KCNH7: variants seen among roughly 807,000 people sequenced by gnomAD.
KCNH7 encodes voltage-gated inwardly rectifying potassium channel KCNH7.
Under a neutral mutation model 120.8 loss-of-function variants are expected in KCNH7, and 49 were observed. That is an observed-to-expected ratio of 0.41 (90% CI 0.32 to 0.51). The LOEUF (loss-of-function observed/expected upper bound fraction) is 0.51, where lower values mean the gene tolerates loss of function less well. Among genes scored for constraint, KCNH7 ranks in the 20% least tolerant of loss-of-function variants. The pLI is 0.38. For synonymous variants in KCNH7, 547 were observed against 516.1 expected (o/e 1.06, Z -0.81); for missense variants, 1,097 against 1,446.6 (o/e 0.76, Z 3.92).
At chr2:162,562,463 T>C (rs1693106234) in intron 2 of KCNH7, among the ~76,000 whole-genome samples, 1 of 152,160 alleles carries the variant, frequency 6.6e-6, no homozygotes. Context: ...TGTGTCCTGT[T>C]CTGAACTAGT....
At chr2:162,609,521 C>T (rs1371983055) in intron 2 of KCNH7, among the ~76,000 whole-genome samples, 1 of 152,014 alleles carries the variant, frequency 6.6e-6, no homozygotes, top group East Asian at 1.9e-4. Context: ...TCCAGGAGGG[C>T]CCTCAGAGAT....
chr2:162,384,098 C>A (rs552987923), intron 13 of KCNH7, among the ~76,000 whole-genome samples: 148 of 151,950 alleles, frequency 9.7e-4, no homozygotes, highest in Non-Finnish European at 1.6e-3. Flanking sequence ...TCTGCATCTA[C>A]TAATCAAGCA....
At position 162,470,246 on chromosome 2, in the gene KCNH7, C is replaced by T. The variant is rs550839646; in HGVS notation, c.1129-23803G>A. On this transcript the variant is annotated intron_variant, in intron 6 of 15. Transcript: ENST00000332142. ...GGAGCCTCTCTGCCCGGCCGCCATC[C>T]CATCTAGGAAGTGAGGAGCGTCTCT... Among the ~76,000 whole-genome samples, 464 of 151,970 alleles carry T rather than the reference C, an allele frequency of 3.1e-3. 3 individuals are homozygous for T. The highest frequency in any genetic ancestry group is 0.011 in the African/African-American group (452 of 41,440).
chr2:162,621,250 A>ATTTTTT (rs1559048811), intron 2 of KCNH7, among the ~76,000 whole-genome samples: 21 of 34,302 alleles, frequency 6.1e-4, no homozygotes, highest in Admixed American at 1.5e-3. Flanking sequence ...GGGTATCATC[A>ATTTTTT]TCTTTTTTTT....
At chr2:162,554,706 T>C (rs959085702) in intron 2 of KCNH7, among the ~76,000 whole-genome samples, 1 of 152,172 alleles carries the variant, frequency 6.6e-6, no homozygotes, top group Admixed American at 6.5e-5. Context: ...ATATCCTTCA[T>C]TGACTGTGCC....
intron 6 of KCNH7, among the ~76,000 whole-genome samples, chr2:162,489,374 T>TAA (rs372004892): frequency 6.7e-6 from 1 of 149,128 alleles, no homozygotes; most frequent in South Asian, 2.1e-4. Context: ...GCCGATGAGC[T>TAA]AAAAAAAAAA....
chr2:162,485,935 T>C (rs1690082122), intron 6 of KCNH7, among the ~76,000 whole-genome samples: 1 of 152,200 alleles, frequency 6.6e-6, no homozygotes, highest in Non-Finnish European at 1.5e-5. Context: ...TCAATCTCAC[T>C]GAACTTTATT....
chr2:162,740,149 C>G (rs16847229), intron 2 of KCNH7, among the ~76,000 whole-genome samples: 3,342 of 152,178 alleles, frequency 0.022, 126 homozygotes, highest in African/African-American at 0.074. Flanking sequence ...TCAGGTAAAA[C>G]CATCCTTTTG....
chr2:162,443,826 C>G (rs1359468078), intron 7 of KCNH7, among the ~76,000 whole-genome samples: 1 of 152,214 alleles, frequency 6.6e-6, no homozygotes, highest in Non-Finnish European at 1.5e-5. Flanking sequence ...TGGTCTCTGT[C>G]TCTGCCTTCT....
chr2:162,401,793 A>G (rs956593785), intron 9 of KCNH7, among the ~76,000 whole-genome samples: 1 of 151,864 alleles, frequency 6.6e-6, no homozygotes, highest in Non-Finnish European at 1.5e-5. Context: ...ATAAAAATTG[A>G]TAGAACTGAA....
At chr2:162,385,891 T>C (rs1313471517) in intron 12 of KCNH7, among the ~76,000 whole-genome samples, 2 of 151,930 alleles carry the variant, frequency 1.3e-5, no homozygotes, top group African/African-American at 2.4e-5. Context: ...AATTCCCATA[T>C]GGCATAGAAA....
At chr2:162,451,091 T>A (rs1021832369) in intron 6 of KCNH7, among the ~76,000 whole-genome samples, 1 of 152,032 alleles carries the variant, frequency 6.6e-6, no homozygotes, top group African/African-American at 2.4e-5. Flanking sequence ...GGGTTTGAAG[T>A]CCAGATACAA....
intron 1 of KCNH7, among the ~76,000 whole-genome samples, chr2:162,837,112 A>T (rs1401255472): frequency 6.6e-6 from 1 of 152,172 alleles, no homozygotes; most frequent in African/African-American, 2.4e-5. Context: ...ATGTCATTTA[A>T]TTGTAATGTA....
intron 2 of KCNH7, among the ~76,000 whole-genome samples, chr2:162,684,719 G>C (rs1685825910): frequency 6.6e-6 from 1 of 152,116 alleles, no homozygotes; most frequent in African/African-American, 2.4e-5. Context: ...AGAGGATGTT[G>C]AGAAATAGGA....
chr2:162,615,884 C>T (rs1683124743), intron 2 of KCNH7, among the ~76,000 whole-genome samples: 3 of 152,114 alleles, frequency 2.0e-5, no homozygotes, highest in Admixed American at 2.0e-4. Flanking sequence ...AAGAGAAGTA[C>T]AACTTTTCTC....
chr2:162,419,389 T>A (rs556341123), intron 9 of KCNH7, among the ~76,000 whole-genome samples: 65 of 150,518 alleles, frequency 4.3e-4, no homozygotes, highest in African/African-American at 1.5e-3. Context: ...AGAATTGCCA[T>A]CCTCAAGCAG....
chr2:162,738,963 T>A (rs751289479), intron 2 of KCNH7, among the ~76,000 whole-genome samples: 4 of 152,108 alleles, frequency 2.6e-5, no homozygotes, highest in Non-Finnish European at 2.9e-5. Flanking sequence ...TCATGATCCT[T>A]CCGCACTGGA....
chr2:162,411,101 G>A (rs925536319), intron 9 of KCNH7, among the ~76,000 whole-genome samples: 2 of 151,910 alleles, frequency 1.3e-5, no homozygotes, highest in Admixed American at 6.6e-5. Context: ...CCCACTGTTG[G>A]GCAAATACTC....
At chr2:162,663,858 C>T (rs928137106) in intron 2 of KCNH7, among the ~76,000 whole-genome samples, 5 of 152,004 alleles carry the variant, frequency 3.3e-5, no homozygotes, top group African/African-American at 9.7e-5. Context: ...GAAACAGAAG[C>T]GATTTAAAAT....
Sources: allele counts gnomAD v4.1 joint callset (sites outside exome capture counted in the v4.1 genomes callset), GRCh38; gene constraint gnomAD v4.1.1; transcripts MANE v1.5; gene names NCBI Gene and HGNC (gene_info 2026-07-23, HGNC 2026-07-21).